Variants in ZNF207 observed in about 807,000 individuals in gnomAD.
ZNF207 encodes zinc finger protein 207, also known as BUB3-interacting and GLEBS motif-containing protein ZNF207.
In ZNF207, 24 loss-of-function variants were observed where a neutral mutation model predicts 60.2. The observed-to-expected ratio is 0.40, with a 90% CI of 0.29 to 0.56. The LOEUF (loss-of-function observed/expected upper bound fraction) is 0.56, where lower values mean the gene tolerates loss of function less well. ZNF207 is among the 20% of genes least tolerant of loss of function. ZNF207 has a pLI of 0.49. For synonymous variants in ZNF207, 236 were observed against 194.7 expected (o/e 1.21, Z -1.77); for missense variants, 452 against 636.6 (o/e 0.71, Z 3.12).
At position 32,373,181 on chromosome 17, in the gene ZNF207, G is replaced by T; in HGVS notation, c.*3422G>T. 2.4e-6 allele frequency: 1 copy of T among 419,320 alleles called. No homozygotes were observed. The allele number at this position is 419,320 out of a possible 1,614,324, so 26.0% of individuals were successfully genotyped here. ...TCCACTAAGTTACATTTTGAACTTA[G>T]ACTCACCTTAATTAAACTTAATTAA... On this transcript the variant is annotated 3_prime_UTR_variant, in exon 12 of 12. Coordinates refer to ENST00000394670, the MANE Select transcript of ZNF207 (RefSeq NM_001098507.2).
chr17:32,358,319 A>G (rs1024157644), intron 2 of ZNF207, among the ~76,000 whole-genome samples, 184 bp from the exon 3 acceptor site: 1 of 152,246 alleles, frequency 6.6e-6, no homozygotes, highest in East Asian at 1.9e-4. Context: ...ATATAGGTGA[A>G]GTAAACTGAG....
rs942728296 is a variant in ZNF207 at position 32,374,053 on chromosome 17, C to T, written c.*4294C>T. ...CTGGGATTATAGGCTCCCGCCACCA[C>T]ATCTGGCTATTTTTTCAATATTTTT... On this transcript the variant is annotated 3_prime_UTR_variant, in exon 12 of 12. Coordinates refer to ENST00000394670, the MANE Select transcript of ZNF207 (RefSeq NM_001098507.2). The T allele has an allele frequency of 6.6e-6, 1 of 151,914 alleles. No individual in the cohort carries two copies. The highest frequency in any genetic ancestry group is 1.5e-5 in the Non-Finnish European group (1 of 68,074). The allele number at this position is 151,914 out of a possible 1,614,324, so 9.4% of individuals were successfully genotyped here.
In ZNF207 at chr17:32,363,529, C is replaced by CTTTTTTTTTTTTTTTTTTTTTTT. The variant is rs746944466; in HGVS notation, c.670+551_670+573dup. On this transcript the variant is annotated intron_variant, in intron 7 of 11. Transcript: ENST00000394670. ...ACAAGTAATAGAGAAATCCAACAAA[C>CTTTTTTTTTTTTTTTTTTTTTTT]TTTTTTTTTTTTTTTTTTTTTTTTT... is the stretch of plus-strand genomic sequence containing the variant. 1.6e-4 allele frequency among the ~76,000 whole-genome samples: 11 copies of CTTTTTTTTTTTTTTTTTTTTTTT among 69,614 alleles called. 3 individuals are homozygous for CTTTTTTTTTTTTTTTTTTTTTTT. Among genetic ancestry groups the CTTTTTTTTTTTTTTTTTTTTTTT allele is most frequent in the Non-Finnish European group, 2.5e-4 (9 of 35,844 alleles). 45.7% of individuals were successfully genotyped at this position (69,614 alleles called of 152,430 possible). A position where few individuals can be genotyped will look rare whatever the true frequency, so the allele number is the denominator to read the frequency against.
At position 32,379,928 on chromosome 17, in the gene ZNF207, A is replaced by G. The variant is rs571289849; in HGVS notation, c.*10169A>G. The G allele has an allele frequency of 5.0e-4, 76 of 152,326 alleles. No homozygotes were observed. Among genetic ancestry groups the G allele is most frequent in the African/African-American group, 1.5e-3 (61 of 41,584 alleles). The allele number at this position is 152,326 out of a possible 1,614,324, so 9.4% of individuals were successfully genotyped here. A position where few individuals can be genotyped will look rare whatever the true frequency, so the allele number is the denominator to read the frequency against. ...CTATATCCTAGATTAAAACCAGCAT[A>G]TGCTAAGAATGTTTTTACATTCTGT... On this transcript the variant is annotated 3_prime_UTR_variant, in exon 12 of 12. Transcript: ENST00000394670.
chr17:32,352,115 C>T (rs1479342170), intron 2 of ZNF207, among the ~76,000 whole-genome samples: 1 of 152,068 alleles, frequency 6.6e-6, no homozygotes, highest in Non-Finnish European at 1.5e-5. Flanking sequence ...CTACAGGCAG[C>T]CGCCACCATG....
rs183358154 is a variant in ZNF207 at position 32,381,008 on chromosome 17, T to C, written c.*11249T>C. 1 of 151,990 alleles carries C rather than the reference T, an allele frequency of 6.6e-6. No individual in the cohort carries two copies. The highest frequency in any genetic ancestry group is 6.6e-5 in the Admixed American group (1 of 15,258). 9.4% of individuals were successfully genotyped at this position (151,990 alleles called of 1,614,324 possible). On this transcript the variant is annotated 3_prime_UTR_variant, in exon 12 of 12. Coordinates refer to ENST00000394670, the MANE Select transcript of ZNF207 (RefSeq NM_001098507.2). ...TGATAAGATTTGGGAGTCTATTCCC[T>C]GGGATGTTCTATTAATAATAAAGTG...
rs1014216973 is a variant in ZNF207 at position 32,361,588 on chromosome 17, G to A, written c.599+73G>A. On this transcript the variant is annotated intron_variant, in intron 6 of 11. Coordinates refer to ENST00000394670, the MANE Select transcript of ZNF207 (RefSeq NM_001098507.2). Reference sequence around the variant, plus strand: ...CATTTTTTTATGTGTGTGTTTAATGGTATCTATTCAGTTGACTTCAGAAAT... The same window carrying A: ...CATTTTTTTATGTGTGTGTTTAATGATATCTATTCAGTTGACTTCAGAAAT... 27 of 1,415,368 alleles carry A rather than the reference G, an allele frequency of 1.9e-5. No homozygotes were observed. The Admixed American group carries it at 5.2e-4, about 27-fold the overall frequency. The allele number at this position is 1,415,368 out of a possible 1,614,324, so 87.7% of individuals were successfully genotyped here.
intron 2 of ZNF207, among the ~76,000 whole-genome samples, chr17:32,353,473 A>G (rs745306430): frequency 3.9e-5 from 6 of 151,928 alleles, no homozygotes; most frequent in Non-Finnish European, 8.8e-5. Context: ...TACTTTAACA[A>G]TAATTTAATA....
intron 1 of ZNF207, chr17:32,351,533 T>A: frequency 2.0e-6 from 3 of 1,520,944 alleles, no homozygotes; most frequent in Non-Finnish European, 2.6e-6. Flanking sequence ...ACACAGGAAT[T>A]TGACAAAGTA....
chr17:32,367,249 A>ATG (rs1398857565), intron 9 of ZNF207, among the ~76,000 whole-genome samples: 4 of 84,136 alleles, frequency 4.8e-5, no homozygotes, highest in Admixed American at 1.2e-4. Flanking sequence ...TTATATATAT[A>ATG]TATATATATA....
chr17:32,358,733 G>A (rs1904689529), intron 3 of ZNF207, 92 bp downstream of exon 3: 1 of 1,013,572 alleles, frequency 9.9e-7, no homozygotes, highest in Non-Finnish European at 1.3e-6. Flanking sequence ...GCCGAGGCTG[G>A]AGTACAGTGG....
At chr17:32,364,667 G>A (rs1567822449) in intron 7 of ZNF207, among the ~76,000 whole-genome samples, 1 of 152,048 alleles carries the variant, frequency 6.6e-6, no homozygotes, top group Middle Eastern at 3.2e-3. Context: ...CCTAGCCTGC[G>A]TTTTATGTTG....
rs543929218 is a variant in ZNF207, at chr17:32,354,703, C to T, written c.168+2791C>T. Among the ~76,000 whole-genome samples the T allele has an allele frequency of 5.9e-5, 9 of 152,192 alleles. No homozygotes were observed. The South Asian group carries it at 1.0e-3, about 18-fold the overall frequency. Reference sequence around the variant, plus strand: ...ATCTCGGCTCACCGCAGCCTCTGCCCTCCGGGTTCAAGCAATTCTCCTGCC... The same window carrying T: ...ATCTCGGCTCACCGCAGCCTCTGCCTTCCGGGTTCAAGCAATTCTCCTGCC... On this transcript the variant is annotated intron_variant, in intron 2 of 11. Coordinates refer to ENST00000394670, the MANE Select transcript of ZNF207 (RefSeq NM_001098507.2).
rs143730510 is a variant in ZNF207, at chr17:32,367,930, G to A, written c.1080G>A (p.Ala360=). 9.7e-5 allele frequency: 157 copies of A among 1,614,054 alleles called. No homozygotes were observed. Among genetic ancestry groups the A allele is most frequent in the African/African-American group, 8.8e-4 (66 of 74,998 alleles). Reference sequence around the variant, plus strand: ...CAAATAGTACTGCAGCTAAACCAGCGGCTTCAATAACAAGTAAGCCTGCTA... The same window carrying A: ...CAAATAGTACTGCAGCTAAACCAGCAGCTTCAATAACAAGTAAGCCTGCTA... ...STTNSTAAKP[A]ASITSKPATL... is the part of the protein sequence containing the mutation. Residue 360 remains alanine (A), a synonymous_variant, in exon 10 of 12, where the codon GCG becomes GCA. Coordinates refer to ENST00000394670, the MANE Select transcript of ZNF207 (RefSeq NM_001098507.2).
At chr17:32,354,454 G>A (rs1904384092) in intron 2 of ZNF207, among the ~76,000 whole-genome samples, 1 of 152,012 alleles carries the variant, frequency 6.6e-6, no homozygotes. Flanking sequence ...AGGATTACAG[G>A]CATGCACCAC....
At position 32,368,978 on chromosome 17, in the gene ZNF207, C is replaced by G. The variant is rs935652527; in HGVS notation, c.1165-317C>G. ...TGAGACCAGGCCATTGCACTCCAGC[C>G]TGGACAATGAGTGAAACCCCGTCTC... On this transcript the variant is annotated intron_variant, in intron 10 of 11. Coordinates refer to ENST00000394670, the MANE Select transcript of ZNF207 (RefSeq NM_001098507.2). 2.7e-5 allele frequency: 6 copies of G among 218,646 alleles called. No individual in the cohort carries two copies. In the Admixed American group the frequency reaches 3.2e-4, roughly 12 times the overall value. 13.5% of individuals were successfully genotyped at this position (218,646 alleles called of 1,614,324 possible).
At chr17:32,367,538 T>TAA (rs1905259496) in intron 9 of ZNF207, among the ~76,000 whole-genome samples, 1 of 151,996 alleles carries the variant, frequency 6.6e-6, no homozygotes, top group Non-Finnish European at 1.5e-5. Context: ...ACAAGTTAAA[T>TAA]ATGCAGTCTT....
At chr17:32,357,940 C>T (rs914132467) in intron 2 of ZNF207, among the ~76,000 whole-genome samples, 1 of 152,058 alleles carries the variant, frequency 6.6e-6, no homozygotes, top group South Asian at 2.1e-4. Flanking sequence ...CCACCACACC[C>T]GACTAATTTT....
At chr17:32,362,371 C>T (rs148938732) in intron 6 of ZNF207, among the ~76,000 whole-genome samples, 1 of 152,136 alleles carries the variant, frequency 6.6e-6, no homozygotes, top group Non-Finnish European at 1.5e-5. Flanking sequence ...ACTTTTTGCC[C>T]AGCCTGGTTT....
Sources: gnomAD v4.1 joint callset for allele counts (sites outside exome capture counted in the v4.1 genomes callset) on GRCh38, gnomAD v4.1.1 for gene constraint, MANE v1.5 for transcripts, NCBI Gene and HGNC (gene_info 2026-07-23, HGNC 2026-07-21) for gene names.